The following ING5 variants were observed in gnomAD, a reference collection of about 807,000 sequenced individuals.
The protein encoded by ING5 is inhibitor of growth protein 5.
Under a neutral mutation model 37.4 loss-of-function variants are expected in ING5, and 17 were observed. The ratio of observed to expected loss-of-function variants is 0.45; its 90% CI spans 0.31 to 0.68. The LOEUF (loss-of-function observed/expected upper bound fraction) is 0.68. ING5 is among the 30% of genes least tolerant of loss of function. The probability of loss-of-function intolerance (pLI) is 0.05; values close to 1 mark genes in which losing one functional copy is unlikely to be tolerated. For missense variants in ING5, 233 were observed against 311.9 expected (o/e 0.75, Z 1.91); for synonymous variants, 123 against 116.6 (o/e 1.06, Z -0.36).
chr2:241,702,879 G>A (rs2069788261), intron 1 of ING5, among the ~76,000 whole-genome samples: 1 of 152,266 alleles, frequency 6.6e-6, no homozygotes, highest in Admixed American at 6.5e-5. Flanking sequence ...CAGCTTTGGG[G>A]TCGCGGTGTT....
At chr2:241,717,370 C>T (rs2070304189) in intron 5 of ING5, among the ~76,000 whole-genome samples, 1 of 152,060 alleles carries the variant, frequency 6.6e-6, no homozygotes, top group Admixed American at 6.6e-5. Flanking sequence ...CGCGCCTGGC[C>T]CAACTATTAT....
intron 5 of ING5, among the ~76,000 whole-genome samples, chr2:241,713,371 T>TG (rs1216339483): frequency 7.0e-6 from 1 of 141,908 alleles, no homozygotes; most frequent in Non-Finnish European, 1.5e-5. Flanking sequence ...TTTTCAGTTT[T>TG]TTTTTTTTTT....
chr2:241,702,300 G>GTCCCGCCGGC (rs1469582743), intron 1 of ING5, among the ~76,000 whole-genome samples, 198 bp downstream of exon 1: 2 of 149,308 alleles, frequency 1.3e-5, no homozygotes, highest in African/African-American at 2.4e-5. Context: ...GGCGCGGGGG[G>GTCCCGCCGGC]TCCCGCCGGC....
At chr2:241,697,062 A>G (rs968158996), upstream of ING5, among the ~76,000 whole-genome samples, 1 of 151,926 alleles carries the variant, frequency 6.6e-6, no homozygotes, top group Non-Finnish European at 1.5e-5. Context: ...AGCTTGGGTG[A>G]CAGAGAGACA....
chr2:241,703,950 C>T (rs977232220), intron 1 of ING5, among the ~76,000 whole-genome samples: 1 of 152,064 alleles, frequency 6.6e-6, no homozygotes, highest in Non-Finnish European at 1.5e-5. Context: ...GCGTGGGCAG[C>T]GTGGCTACAC....
At chr2:241,710,483 G>C (rs2070075074) in intron 3 of ING5, among the ~76,000 whole-genome samples, 1 of 149,974 alleles carries the variant, frequency 6.7e-6, no homozygotes, top group South Asian at 2.1e-4. Flanking sequence ...TTTGTTTTTG[G>C]TTTTTGGTTT....
upstream of ING5, among the ~76,000 whole-genome samples, chr2:241,698,536 TGTGG>T (rs1288231991): frequency 1.4e-3 from 192 of 136,918 alleles, 1 homozygote; most frequent in Middle Eastern, 3.8e-3. Context: ...TGTGTGTGTG[TGTGG>T]AGGAGTATAT....
At chr2:241,690,362 T>A (rs2069531970) in exon 2 of ING5, 1 of 370,524 alleles carries the variant, frequency 2.7e-6, no homozygotes, top group Non-Finnish European at 4.8e-6. Context: ...TTTAATCATC[T>A]GACATTACAT....
chr2:241,693,075 G>C (rs540814004), intron 2 of ING5, among the ~76,000 whole-genome samples: 1 of 151,806 alleles, frequency 6.6e-6, no homozygotes, highest in Non-Finnish European at 1.5e-5. Flanking sequence ...CCTGGCCAAC[G>C]TGGTGAAACC....
rs1292185453 is a variant in ING5, at chr2:241,720,629, C to T, written c.483-2310C>T. On this transcript the variant is annotated intron_variant, in intron 5 of 7. Coordinates refer to ENST00000313552, the MANE Select transcript of ING5 (RefSeq NM_032329.6). ...GCAGCCAGCCCCCTGCTAGGAGCCA[C>T]GTGGAGTGCTGGGAAGCCATCGGGG... 1.1e-5 allele frequency: 11 copies of T among 985,832 alleles called. No homozygotes were observed. In the South Asian group the frequency reaches 1.4e-4, roughly 13 times the overall value. The allele number at this position is 985,832 out of a possible 1,614,324, so 61.1% of individuals were successfully genotyped here. A position where few individuals can be genotyped will look rare whatever the true frequency, so the allele number is the denominator to read the frequency against.
intron 5 of ING5, chr2:241,712,296 T>C (rs2070135772): frequency 2.1e-6 from 1 of 473,474 alleles, no homozygotes; most frequent in South Asian, 2.9e-5. Flanking sequence ...TGCCCAGGCT[T>C]TAGGGCTGCT....
chr2:241,700,427 A>T (rs11695899), upstream of ING5, among the ~76,000 whole-genome samples: 19,491 of 149,698 alleles, frequency 0.13, 1,529 homozygotes, highest in East Asian at 0.34. Context: ...AAAGTGCTGG[A>T]ATTACAGGAG....
chr2:241,687,887 T>C (rs999862262), exon 1 of ING5: 1 of 152,274 alleles, frequency 6.6e-6, no homozygotes, highest in African/African-American at 2.4e-5. Context: ...GGGCAAGTTG[T>C]TTCCTCTTTC....
chr2:241,700,174 T>TG (rs1553580448), upstream of ING5, among the ~76,000 whole-genome samples: 12 of 134,766 alleles, frequency 8.9e-5, no homozygotes, highest in African/African-American at 3.7e-4. Flanking sequence ...TTTTTTTTTT[T>TG]GGGACGGAGT....
intron 5 of ING5, chr2:241,722,493 TCTC>T (rs1425438670): frequency 1.0e-6 from 1 of 985,310 alleles, no homozygotes; most frequent in Non-Finnish European, 1.2e-6. Flanking sequence ...GGGCGCGAGG[TCTC>T]CACCCCTCTG....
intron 2 of ING5, among the ~76,000 whole-genome samples, chr2:241,696,388 C>G (rs766094176): frequency 6.6e-6 from 1 of 151,572 alleles, no homozygotes; most frequent in Non-Finnish European, 1.5e-5. Context: ...AAGACTCCAT[C>G]TCAAAAACAA....
chr2:241,728,744 G>A lies in ING5; in HGVS notation c.*3713G>A, dbSNP rs923537593. ...CCACTGTTGGCCAGGGACGCCGTGCGGAGGCCTACGTGGCTGCCTGAGCAG... is the reference window on the plus strand; with the variant it reads ...CCACTGTTGGCCAGGGACGCCGTGCAGAGGCCTACGTGGCTGCCTGAGCAG... On this transcript the variant is annotated 3_prime_UTR_variant, in exon 8 of 8. Coordinates refer to ENST00000313552, the MANE Select transcript of ING5 (RefSeq NM_032329.6). 8 of 152,296 alleles carry A rather than the reference G, an allele frequency of 5.3e-5. No individual in the cohort carries two copies. In the East Asian group the frequency reaches 5.8e-4, roughly 11 times the overall value. The allele number at this position is 152,296 out of a possible 1,614,324, so 9.4% of individuals were successfully genotyped here.
At chr2:241,710,634 G>A (rs945394838) in intron 3 of ING5, among the ~76,000 whole-genome samples, 5 of 152,158 alleles carry the variant, frequency 3.3e-5, no homozygotes, top group African/African-American at 1.2e-4. Context: ...ACAGGCATGC[G>A]CCACCAAGCC....
intron 5 of ING5, among the ~76,000 whole-genome samples, chr2:241,715,039 T>A (rs1409534331): frequency 1.3e-5 from 2 of 152,224 alleles, no homozygotes; most frequent in Non-Finnish European, 2.9e-5. Context: ...TCTAGCTTTT[T>A]AAGGTGGAAG....
Sources: allele counts gnomAD v4.1 joint callset (sites outside exome capture counted in the v4.1 genomes callset), GRCh38; gene constraint gnomAD v4.1.1; transcripts MANE v1.5; gene names NCBI Gene and HGNC (gene_info 2026-07-23, HGNC 2026-07-21).